The following LUC7L3 variants were observed in gnomAD, a reference collection of about 807,000 sequenced individuals.
LUC7L3 encodes the protein luc7-like protein 3.
LUC7L3 carries 6 observed loss-of-function variants against 66.8 expected under a neutral mutation model. The observed-to-expected ratio is 0.09, with a 90% confidence interval of 0.05 to 0.18. LUC7L3 has a LOEUF of 0.18. Ranked by LOEUF, LUC7L3 falls within the 10% of genes least tolerant of loss-of-function variation. The probability of loss-of-function intolerance (pLI) is 1.00; values close to 1 mark genes in which losing one functional copy is unlikely to be tolerated. For missense variants in LUC7L3, 341 were observed against 531.1 expected (o/e 0.64, Z 3.52); for synonymous variants, 160 against 174.7 (o/e 0.92, Z 0.66).
At position 50,752,909 on chromosome 17, in the gene LUC7L3, T is replaced by G. The variant is rs923609926; in HGVS notation, c.*2248T>G. ...AAGATGTGCAGTGAACTAGAATATA[T>G]TTTTACATCCCTGAGAGATTCATTT... On this transcript the variant is annotated 3_prime_UTR_variant, in exon 10 of 10. Transcript: ENST00000505658. 1 of 151,956 alleles carries G rather than the reference T, an allele frequency of 6.6e-6. No homozygotes were observed. The highest frequency in any genetic ancestry group is 2.4e-5 in the African/African-American group (1 of 41,296). 9.4% of individuals were successfully genotyped at this position (151,956 alleles called of 1,614,324 possible). A position where few individuals can be genotyped will look rare whatever the true frequency, so the allele number is the denominator to read the frequency against.
At chr17:50,725,801 C>G (rs1230054851) in intron 1 of LUC7L3, among the ~76,000 whole-genome samples, 1 of 152,036 alleles carries the variant, frequency 6.6e-6, no homozygotes, top group African/African-American at 2.4e-5. Context: ...GATGTATATA[C>G]TAGTTTATCA....
At position 50,750,799 on chromosome 17, in the gene LUC7L3, T is replaced by C; in HGVS notation, c.*138T>C. 1.9e-6 allele frequency: 3 copies of C among 1,562,464 alleles called. No individual in the cohort carries two copies. Among genetic ancestry groups the C allele is most frequent in the East Asian group, 4.8e-5 (2 of 41,724 alleles). On this transcript the variant is annotated 3_prime_UTR_variant, in exon 10 of 10. Coordinates refer to ENST00000505658, the MANE Select transcript of LUC7L3 (RefSeq NM_016424.5). ...TGGAACTAAGCCGAGTAAGAAGACA[T>C]ACAAAAGCCTCTTCTGAAGGAAAAG...
At chr17:50,727,524 C>G (rs938650747) in intron 1 of LUC7L3, among the ~76,000 whole-genome samples, 2 of 152,130 alleles carry the variant, frequency 1.3e-5, no homozygotes, top group African/African-American at 4.8e-5. Flanking sequence ...GTGCCCCAGC[C>G]CCCCGAGTTC....
At chr17:50,736,905 C>A in intron 1 of LUC7L3, 55 bp from the exon 2 acceptor site, 1 of 1,058,894 alleles carries the variant, frequency 9.4e-7, no homozygotes, top group Non-Finnish European at 1.4e-6. Flanking sequence ...CACCTTTCTC[C>A]AATAAAGTTT....
intron 3 of LUC7L3, among the ~76,000 whole-genome samples, 158 bp downstream of exon 3, chr17:50,740,503 G>T (rs528624337): frequency 6.6e-6 from 1 of 152,270 alleles, no homozygotes; most frequent in Admixed American, 6.5e-5. Flanking sequence ...CTTCAGTAAT[G>T]ATACTGATAG....
At chr17:50,733,195 AGAAAT>A (rs369239928) in intron 1 of LUC7L3, among the ~76,000 whole-genome samples, 1 of 152,280 alleles carries the variant, frequency 6.6e-6, no homozygotes, top group African/African-American at 2.4e-5. Context: ...AATGGGAAAT[AGAAAT>A]GAAATGTTTA....
chr17:50,736,420 C>T (rs116728937), intron 1 of LUC7L3, among the ~76,000 whole-genome samples: 1 of 152,244 alleles, frequency 6.6e-6, no homozygotes, highest in African/African-American at 2.4e-5. Context: ...TAGCAAGTCC[C>T]CATCTTTCCA....
In LUC7L3 at chr17:50,750,596, A is replaced by C; in HGVS notation, c.1234A>C (p.Thr412Pro). The C allele has an allele frequency of 6.2e-7, 1 of 1,614,120 alleles. No individual in the cohort carries two copies. The change falls in exon 10 of 10, where the codon ACT becomes CCT. Residue 412 changes from threonine (T) to proline (P), a missense_variant. This residue lies in a region of LUC7L3 where 210 missense variants were observed against 238.1 expected (regional missense o/e 0.88). Transcript: ENST00000505658. ...DTNTESKESD[T>P]KNEVNGTSED... ...AAACACTGAATCGAAGGAAAGTGAT[A>C]CTAAGAATGAGGTCAATGGGACCAG...
At chr17:50,745,151 G>A (rs1970587246) in intron 7 of LUC7L3, among the ~76,000 whole-genome samples, 1 of 151,988 alleles carries the variant, frequency 6.6e-6, no homozygotes, top group South Asian at 2.1e-4. Context: ...TACCACGCCC[G>A]GCTGATTTTT....
chr17:50,755,134 C>T lies in LUC7L3; in HGVS notation c.*4473C>T, dbSNP rs1017705458. Reference sequence around the variant, plus strand: ...GATTTTTTAGTTGTTTGTGAAAGAACCCCAGGTCTACTTTTGAAATTTTGT... The same window carrying T: ...GATTTTTTAGTTGTTTGTGAAAGAATCCCAGGTCTACTTTTGAAATTTTGT... On this transcript the variant is annotated 3_prime_UTR_variant, in exon 10 of 10. Coordinates refer to ENST00000505658, the MANE Select transcript of LUC7L3 (RefSeq NM_016424.5). The T allele has an allele frequency of 2.6e-5, 4 of 152,044 alleles. No individual in the cohort carries two copies. The highest frequency in any genetic ancestry group is 2.6e-4 in the Admixed American group (4 of 15,260). 9.4% of individuals were successfully genotyped at this position (152,044 alleles called of 1,614,324 possible).
At position 50,754,295 on chromosome 17, in the gene LUC7L3, A is replaced by G. The variant is rs1971070322; in HGVS notation, c.*3634A>G. 6.6e-6 allele frequency: 1 copy of G among 152,220 alleles called. No homozygotes were observed. Among genetic ancestry groups the G allele is most frequent in the Admixed American group, 6.5e-5 (1 of 15,282 alleles). The allele number at this position is 152,220 out of a possible 1,614,324, so 9.4% of individuals were successfully genotyped here. On this transcript the variant is annotated 3_prime_UTR_variant, in exon 10 of 10. Coordinates refer to ENST00000505658, the MANE Select transcript of LUC7L3 (RefSeq NM_016424.5). The stretch of plus-strand genomic sequence containing the variant: ...GACATACACAAAAGAGGAACAATAT[A>G]ATTAACCTCTGTTAACTCATCACCA...
In LUC7L3 at chr17:50,751,561, G is replaced by T; in HGVS notation, c.*900G>T. 1 of 1,142,136 alleles carries T rather than the reference G, an allele frequency of 8.8e-7. No homozygotes were observed. The highest frequency in any genetic ancestry group is 1.1e-6 in the Non-Finnish European group (1 of 916,770). 70.8% of individuals were successfully genotyped at this position (1,142,136 alleles called of 1,614,324 possible). The stretch of plus-strand genomic sequence containing the variant: ...TTTCAACTGTATGTAGGGCTGCAGT[G>T]GTGGCCAGAATTAGATATCTTTAAA... On this transcript the variant is annotated 3_prime_UTR_variant, in exon 10 of 10. Transcript: ENST00000505658.
At chr17:50,736,924 A>C in intron 1 of LUC7L3, 36 bp from the exon 2 acceptor site, 1 of 1,408,256 alleles carries the variant, frequency 7.1e-7, no homozygotes, top group Non-Finnish European at 1.0e-6. Context: ...TTTAAAACCA[A>C]GCAATTTTTT....
At position 50,741,703 on chromosome 17, in the gene LUC7L3, C is replaced by T. The variant is rs1318404352; in HGVS notation, c.398C>T (p.Thr133Ile). 2 of 1,613,806 alleles carry T rather than the reference C, an allele frequency of 1.2e-6. No individual in the cohort carries two copies. The highest frequency in any genetic ancestry group is 2.7e-5 in the African/African-American group (2 of 74,920). ...AATGAAGAAAAAATTCAGGTTCTAA[C>T]AGACAAAATTGATGTACTTCTGCAA... ...GKNEEKIQVL[T>I]DKIDVLLQQI... The change falls in exon 5 of 10, where the codon ACA becomes ATA. Residue 133 changes from threonine to isoleucine, a missense_variant. By Grantham distance (89) the Thr-to-Ile change is moderately conservative. Coordinates refer to ENST00000505658, the MANE Select transcript of LUC7L3 (RefSeq NM_016424.5).
intron 2 of LUC7L3, 105 bp downstream of exon 2, chr17:50,737,131 CTTAAAGATTTGCTAA>C: frequency 1.3e-6 from 1 of 778,802 alleles, no homozygotes; most frequent in East Asian, 2.7e-5. Flanking sequence ...GAAGTTTTTT[CTTAAAGATTTGCTAA>C]TAAGTAATTT....
At position 50,741,747 on chromosome 17, in the gene LUC7L3, A is replaced by G; in HGVS notation, c.426+16A>G. 5 of 1,595,474 alleles carry G rather than the reference A, an allele frequency of 3.1e-6. No homozygotes were observed. Among genetic ancestry groups the G allele is most frequent in the Non-Finnish European group, 4.3e-6 (5 of 1,163,842 alleles). On this transcript the variant is annotated intron_variant, in intron 5 of 9. Transcript: ENST00000505658. ...TCTGCAACAGGTGAGAATTGTGTGC[A>G]TTAATGTCAGGAAGTAATGTGAAAC...
At chr17:50,720,363 G>C (rs1322105227) in intron 1 of LUC7L3, among the ~76,000 whole-genome samples, 1 of 152,240 alleles carries the variant, frequency 6.6e-6, no homozygotes, top group African/African-American at 2.4e-5. Flanking sequence ...TTCGTTAACA[G>C]TATTCTAAGA....
Position 50,719,821 on chromosome 17 carries a change from A to G in LUC7L3, c.89A>G (p.Asp30Gly). 6.2e-7 allele frequency: 1 copy of G among 1,605,244 alleles called. No individual in the cohort carries two copies. The highest frequency in any genetic ancestry group is 8.5e-7 in the Non-Finnish European group (1 of 1,177,438). Reference sequence around the variant, plus strand: ...GAGAAGCGCAGCAACGTGCGGTGGGACCACGAGAGCGTAAGTCCCGCGGGC... The same window carrying G: ...GAGAAGCGCAGCAACGTGCGGTGGGGCCACGAGAGCGTAAGTCCCGCGGGC... Reference protein sequence around the residue: ...PDEKRSNVRWDHESVCKYYLC... With the variant: ...PDEKRSNVRWGHESVCKYYLC... The change falls in exon 1 of 10, where the codon GAC becomes GGC. Residue 30 changes from aspartate (D) to glycine (G), a missense_variant. Transcript: ENST00000505658.
chr17:50,732,067 A>C (rs904073053), intron 1 of LUC7L3, among the ~76,000 whole-genome samples: 2 of 152,212 alleles, frequency 1.3e-5, no homozygotes, highest in African/African-American at 4.8e-5. Context: ...TATATGCCAT[A>C]GGGAAAGGGT....
Sources: allele counts gnomAD v4.1 joint callset (sites outside exome capture counted in the v4.1 genomes callset), GRCh38; gene constraint gnomAD v4.1.1; regional missense constraint gnomAD v4.1.1; transcripts MANE v1.5; gene names NCBI Gene and HGNC (gene_info 2026-07-23, HGNC 2026-07-21).